PALD1: variants seen among roughly 807,000 people sequenced by gnomAD.
PALD1 encodes phosphatase domain containing paladin 1.
A neutral mutation model predicts 96.0 loss-of-function variants in PALD1; 57 were observed. The ratio of observed to expected loss-of-function variants is 0.59; its 90% CI spans 0.48 to 0.74. The LOEUF is 0.74. Among genes scored for constraint, PALD1 ranks in the 30% least tolerant of loss-of-function variants. PALD1 has a pLI of 0.00. For missense variants in PALD1, 1,063 were observed against 1,143.7 expected, an observed-to-expected ratio of 0.93 and a Z score of 1.02; for synonymous variants, 464 against 473.6, an observed-to-expected ratio of 0.98 and a Z score of 0.26.
chr10:70,509,706 A>G lies in PALD1; in HGVS notation c.-29-16217A>G, dbSNP rs1846473206. Among the ~76,000 whole-genome samples the G allele has an allele frequency of 2.0e-5, 3 of 152,258 alleles. No homozygotes were observed. In the South Asian group the frequency reaches 6.2e-4, roughly 32 times the overall value. ...GGGACCCACAAGGGTGAGGGCAGGG[A>G]AGGGCCTTAGGTCCTGGGAGGACCT... On this transcript the variant is annotated intron_variant, in intron 1 of 19. Coordinates refer to ENST00000263563, the MANE Select transcript of PALD1 (RefSeq NM_014431.3).
At chr10:70,484,549 T>TA (rs1284535893) in intron 1 of PALD1, among the ~76,000 whole-genome samples, 1 of 151,502 alleles carries the variant, frequency 6.6e-6, no homozygotes, top group East Asian at 1.9e-4. Context: ...ATTGTTTGTT[T>TA]TTTTTTTTGA....
intron 1 of PALD1, among the ~76,000 whole-genome samples, chr10:70,484,784 C>G (rs141000392): frequency 6.6e-6 from 1 of 152,124 alleles, no homozygotes; most frequent in African/African-American, 2.4e-5. Flanking sequence ...GGTGATCTGC[C>G]CGCCTCGGCC....
chr10:70,530,148 C>T (rs1049534400), intron 4 of PALD1, 80 bp downstream of exon 4: 32 of 1,209,178 alleles, frequency 2.6e-5, no homozygotes, highest in South Asian at 2.3e-4. Context: ...GCTTTAGAGG[C>T]GCTGGAGGGG....
intron 1 of PALD1, among the ~76,000 whole-genome samples, chr10:70,515,587 G>C (rs570295554): frequency 6.6e-6 from 1 of 152,196 alleles, no homozygotes; most frequent in Non-Finnish European, 1.5e-5. Flanking sequence ...TTCAGTGCAG[G>C]GTCAGCCATG....
chr10:70,493,068 A>G lies in PALD1; in HGVS notation c.-30+14009A>G, dbSNP rs993471507. On this transcript the variant is annotated intron_variant, in intron 1 of 19. Coordinates refer to ENST00000263563, the MANE Select transcript of PALD1 (RefSeq NM_014431.3). ...CGAGCTACAGGAAACAAATGGGCTC[A>G]CTGGCTGCCTGCCCCCCTACCTTGG... Among the ~76,000 whole-genome samples the G allele has an allele frequency of 5.9e-5, 9 of 151,590 alleles. No individual in the cohort carries two copies. In the South Asian group the frequency reaches 1.2e-3, roughly 21 times the overall value.
In PALD1 at chr10:70,478,799, C is replaced by CGGCGCGCACGGGCCGG. The variant is rs1181584641; in HGVS notation, c.-281_-266dup. 2 of 151,450 alleles carry CGGCGCGCACGGGCCGG rather than the reference C, an allele frequency of 1.3e-5. No homozygotes were observed. Among genetic ancestry groups the CGGCGCGCACGGGCCGG allele is most frequent in the Non-Finnish European group, 2.9e-5 (2 of 67,836 alleles). 9.4% of individuals were successfully genotyped at this position (151,450 alleles called of 1,614,324 possible). On this transcript the variant is annotated 5_prime_UTR_variant, in exon 1 of 20. Coordinates refer to ENST00000263563, the MANE Select transcript of PALD1 (RefSeq NM_014431.3). ...GGTAGCGGGGCGCTGGGGAGCAGCGCGGCGCGCACGGGCCGGGGCGCGCAG... is the reference window on the plus strand; with the variant it reads ...GGTAGCGGGGCGCTGGGGAGCAGCGCGGCGCGCACGGGCCGGGGCGCGCACGGGCCGGGGCGCGCAG...
chr10:70,566,236 C>T (rs1471875813), intron 19 of PALD1, among the ~76,000 whole-genome samples: 3 of 152,210 alleles, frequency 2.0e-5, no homozygotes, highest in African/African-American at 7.2e-5. Flanking sequence ...CCACGTTCTT[C>T]CTCCAGCCCT....
rs533752583 is a variant in PALD1 at position 70,538,404 on chromosome 10, C to T, written c.1448C>T (p.Ser483Phe). The change falls in exon 12 of 20, where the codon TCC becomes TTC. Residue 483 changes from serine to phenylalanine, a missense_variant. Physicochemically the swap from Ser to Phe is radical, Grantham distance 155 (BLOSUM62 -2). Coordinates refer to ENST00000263563, the MANE Select transcript of PALD1 (RefSeq NM_014431.3). ...CCGAGGGACCTCATCGCCAGGGGCT[C>T]CCTAGTGAGTATGACTGGCAGTCGG... is the stretch of plus-strand genomic sequence containing the variant. ...VAPRDLIARG[S>F]LREDDLVSPD... 57 of 1,611,522 alleles carry T rather than the reference C, an allele frequency of 3.5e-5. No individual in the cohort carries two copies. The South Asian group carries it at 6.0e-4, about 17-fold the overall frequency.
intron 17 of PALD1, among the ~76,000 whole-genome samples, chr10:70,543,539 T>A (rs1409495389): frequency 6.6e-6 from 1 of 152,200 alleles, no homozygotes; most frequent in African/African-American, 2.4e-5. Context: ...TTGATCCATT[T>A]TGAGTTAGTT....
intron 19 of PALD1, among the ~76,000 whole-genome samples, chr10:70,564,946 C>CCGG (rs1360842844): frequency 6.6e-6 from 1 of 152,204 alleles, no homozygotes; most frequent in Non-Finnish European, 1.5e-5. Flanking sequence ...CTGTAGTGGC[C>CCGG]CTGCCCCTTT....
At chr10:70,518,165 G>A (rs1483773910) in intron 1 of PALD1, among the ~76,000 whole-genome samples, 1 of 152,176 alleles carries the variant, frequency 6.6e-6, no homozygotes, top group Non-Finnish European at 1.5e-5. Flanking sequence ...GGCCTCCAAA[G>A]TGCTGGGATT....
chr10:70,547,883 C>T (rs903968375), intron 18 of PALD1, among the ~76,000 whole-genome samples: 8 of 152,116 alleles, frequency 5.3e-5, no homozygotes, highest in African/African-American at 1.9e-4. Flanking sequence ...GTGGCTGTTT[C>T]ACAACTAGCA....
intron 1 of PALD1, among the ~76,000 whole-genome samples, chr10:70,486,857 C>G (rs1846023210): frequency 6.6e-6 from 1 of 152,208 alleles, no homozygotes. Context: ...TGCTCCCTCC[C>G]TTCCTCCCGA....
At chr10:70,510,006 AAACTTCT>A (rs1219952839) in intron 1 of PALD1, among the ~76,000 whole-genome samples, 7 of 152,206 alleles carry the variant, frequency 4.6e-5, no homozygotes, top group Non-Finnish European at 1.0e-4. Flanking sequence ...GGCTGGAGGA[AAACTTCT>A]AGTGGGGCTT....
At chr10:70,512,011 G>A (rs998849993) in intron 1 of PALD1, among the ~76,000 whole-genome samples, 9 of 152,114 alleles carry the variant, frequency 5.9e-5, no homozygotes, top group African/African-American at 2.2e-4. Context: ...TGGAGACAGA[G>A]CGAGACTCCG....
rs1301993445 is a variant in PALD1, at chr10:70,529,918, TGA to T, written c.321_322del (p.Lys108AspfsTer48). The T allele has an allele frequency of 1.2e-6, 2 of 1,613,748 alleles. No individual in the cohort carries two copies. The highest frequency in any genetic ancestry group is 1.7e-6 in the Non-Finnish European group (2 of 1,179,908). On this transcript the variant is annotated frameshift_variant, in exon 4 of 20. Coordinates refer to ENST00000263563, the MANE Select transcript of PALD1 (RefSeq NM_014431.3). LOFTEE classifies it high-confidence loss of function. ...GRYFLVRDVT[E>X]KMDVLGTVGS... Reference sequence around the variant, plus strand: ...GCTACTTCCTGGTGCGGGATGTCACTGAGAAGATGGATGTGCTGGGCACCGTG... The same window carrying T: ...GCTACTTCCTGGTGCGGGATGTCACTGAAGATGGATGTGCTGGGCACCGTG...
intron 1 of PALD1, among the ~76,000 whole-genome samples, chr10:70,488,980 C>T (rs1846057466): frequency 6.6e-6 from 1 of 151,618 alleles, no homozygotes; most frequent in Non-Finnish European, 1.5e-5. Context: ...TCTGCCGCTT[C>T]ACCAATGACC....
chr10:70,549,912 C>T (rs1847446373), intron 18 of PALD1, among the ~76,000 whole-genome samples: 1 of 152,194 alleles, frequency 6.6e-6, no homozygotes, highest in South Asian at 2.1e-4. Flanking sequence ...CCCGCTCCCA[C>T]CAGGTCACCC....
chr10:70,460,417 C>T, the PALD1 span, among the ~76,000 whole-genome samples: 11 of 152,278 alleles, frequency 7.2e-5, no homozygotes, highest in South Asian at 1.5e-3. Flanking sequence ...CAGTCATCTC[C>T]GGCTCCATTC....
Sources: allele counts gnomAD v4.1 joint callset (sites outside exome capture counted in the v4.1 genomes callset), GRCh38; gene constraint gnomAD v4.1.1; transcripts MANE v1.5; gene names NCBI Gene and HGNC (gene_info 2026-07-23, HGNC 2026-07-21).